CHSY1: variants seen among roughly 807,000 people sequenced by gnomAD.
CHSY1 encodes N-acetylgalactosaminyl-proteoglycan 3-beta-glucuronosyltransferase 1.
A neutral mutation model predicts 59.8 loss-of-function variants in CHSY1; 13 were observed. The observed-to-expected ratio is 0.22, with a 90% CI of 0.14 to 0.35. The LOEUF (loss-of-function observed/expected upper bound fraction) is 0.35. CHSY1 is among the 10% of genes least tolerant of loss of function. CHSY1 has a pLI of 1.00. For synonymous variants in CHSY1, 459 were observed against 401.2 expected, an observed-to-expected ratio of 1.14 and a Z score of -1.72; for missense variants, 947 against 1,030.6, an observed-to-expected ratio of 0.92 and a Z score of 1.11.
intron 2 of CHSY1, among the ~76,000 whole-genome samples, chr15:101,212,887 T>G (rs1407219550): frequency 6.6e-6 from 1 of 152,180 alleles, no homozygotes; most frequent in Admixed American, 6.5e-5. Context: ...TGGACAGATA[T>G]GTAATAAAGC....
intron 2 of CHSY1, among the ~76,000 whole-genome samples, chr15:101,207,142 G>T (rs1209729768): frequency 6.6e-6 from 1 of 152,046 alleles, no homozygotes; most frequent in Non-Finnish European, 1.5e-5. Flanking sequence ...CTCAGAAAGG[G>T]TCTACTCTTG....
rs2038919594 is a variant in CHSY1, at chr15:101,234,414, G to A, written c.816+668C>T. Among the ~76,000 whole-genome samples, 3 of 152,170 alleles carry A rather than the reference G, an allele frequency of 2.0e-5. No individual in the cohort carries two copies. The South Asian group carries it at 6.2e-4, about 31-fold the overall frequency. ...AGCCAGGCCTTTGCAAAAACAAATA[G>A]GGAGATATCCTACATTCTTGCAATT... On this transcript the variant is annotated intron_variant, in intron 2 of 2. Coordinates refer to ENST00000254190, the MANE Select transcript of CHSY1 (RefSeq NM_014918.5).
chr15:101,180,620 G>A (rs2038264318), intron 2 of CHSY1, among the ~76,000 whole-genome samples: 1 of 152,106 alleles, frequency 6.6e-6, no homozygotes, highest in Admixed American at 6.5e-5. Flanking sequence ...TCAACTACAG[G>A]AAAGCAAATC....
rs149037409 is a variant in CHSY1 at position 101,227,604 on chromosome 15, G to A, written c.816+7478C>T. On this transcript the variant is annotated intron_variant, in intron 2 of 2. Transcript: ENST00000254190. The stretch of plus-strand genomic sequence containing the variant: ...AATCTACAAGGCCACACGCATGTGT[G>A]GGAGTGTGTGCATGTTCAGCAAAGA... 1.5e-3 allele frequency among the ~76,000 whole-genome samples: 222 copies of A among 152,340 alleles called. 2 individuals carry two copies. The highest frequency in any genetic ancestry group is 5.1e-3 in the African/African-American group (213 of 41,580).
chr15:101,238,593 T>C (rs770750714), intron 1 of CHSY1, among the ~76,000 whole-genome samples: 6 of 152,208 alleles, frequency 3.9e-5, no homozygotes, highest in Non-Finnish European at 7.4e-5. Flanking sequence ...ATGACGCCGG[T>C]AACTATAAAA....
At chr15:101,221,998 C>T (rs2038793606) in intron 2 of CHSY1, among the ~76,000 whole-genome samples, 1 of 152,088 alleles carries the variant, frequency 6.6e-6, no homozygotes, top group Non-Finnish European at 1.5e-5. Context: ...TGAGTGAACG[C>T]TGAAAGATCT....
intron 2 of CHSY1, among the ~76,000 whole-genome samples, chr15:101,227,297 T>C (rs1250666390): frequency 6.6e-6 from 1 of 152,136 alleles, no homozygotes; most frequent in Non-Finnish European, 1.5e-5. Flanking sequence ...ATCTGACCTA[T>C]CTGGTGGTTC....
intron 2 of CHSY1, among the ~76,000 whole-genome samples, chr15:101,203,629 T>C (rs781494205): frequency 8.5e-5 from 13 of 152,070 alleles, no homozygotes; most frequent in African/African-American, 1.7e-4. Flanking sequence ...AAGGCAAAAG[T>C]AGTGATTTTT....
chr15:101,251,452 G>C lies in CHSY1; in HGVS notation c.5C>G (p.Ala2Gly). M[A>G]ARGRRAWLSV... is the part of the protein sequence containing the mutation. Reference sequence around the variant, plus strand: ...GAGCCAGGCGCGCCGGCCGCGCGCGGCCATGCCCGCGCCGCTCCGCCCGCC... The same window carrying C: ...GAGCCAGGCGCGCCGGCCGCGCGCGCCCATGCCCGCGCCGCTCCGCCCGCC... Residue 2 changes from alanine (A) to glycine (G), a missense_variant, in exon 1 of 3, where the codon GCC becomes GGC. By Grantham distance (60) the Ala-to-Gly change is moderately conservative (BLOSUM62 0). Around this residue, in one of 4 missense-constraint regions of CHSY1, gnomAD observed 232 missense variants for 188.5 expected, o/e 1.23. Transcript: ENST00000254190. The C allele has an allele frequency of 1.1e-6, 1 of 910,462 alleles. No homozygotes were observed. Among genetic ancestry groups the C allele is most frequent in the South Asian group, 4.0e-5 (1 of 25,236 alleles). 56.4% of individuals were successfully genotyped at this position (910,462 alleles called of 1,614,324 possible).
rs537330101 is a variant in CHSY1 at position 101,212,540 on chromosome 15, T to C, written c.816+22542A>G. ...CAAGAGTCCACACGTATGATTCCAT[T>C]TATATTAAGTTAGAGGACAGAATCA... On this transcript the variant is annotated intron_variant, in intron 2 of 2. Coordinates refer to ENST00000254190, the MANE Select transcript of CHSY1 (RefSeq NM_014918.5). Among the ~76,000 whole-genome samples, 4 of 152,270 alleles carry C rather than the reference T, an allele frequency of 2.6e-5. No individual in the cohort carries two copies. In the South Asian group the frequency reaches 8.3e-4, roughly 32 times the overall value.
intron 2 of CHSY1, among the ~76,000 whole-genome samples, chr15:101,206,164 T>G (rs1488862524): frequency 3.9e-5 from 6 of 152,162 alleles, no homozygotes; most frequent in Admixed American, 3.9e-4. Flanking sequence ...CTGCTCTCCT[T>G]TCTCTCCCCG....
chr15:101,176,312 G>A lies in CHSY1; in HGVS notation c.*1076C>T, dbSNP rs186944629. Reference sequence around the variant, plus strand: ...AAACCATCTCCACCCACATAACACAGACAGGATGAAAGGAACAAAACCAAA... The same window carrying A: ...AAACCATCTCCACCCACATAACACAAACAGGATGAAAGGAACAAAACCAAA... On this transcript the variant is annotated 3_prime_UTR_variant, in exon 3 of 3. Transcript: ENST00000254190. 160 of 398,562 alleles carry A rather than the reference G, an allele frequency of 4.0e-4. No individual in the cohort carries two copies. Among genetic ancestry groups the A allele is most frequent in the African/African-American group, 2.8e-3 (135 of 48,748 alleles). The allele number at this position is 398,562 out of a possible 1,614,324, so 24.7% of individuals were successfully genotyped here.
chr15:101,212,906 T>C (rs988697905), intron 2 of CHSY1, among the ~76,000 whole-genome samples: 3 of 152,202 alleles, frequency 2.0e-5, no homozygotes, highest in Non-Finnish European at 4.4e-5. Flanking sequence ...GCAAGTATAA[T>C]AAAGTATTAC....
intron 2 of CHSY1, among the ~76,000 whole-genome samples, chr15:101,217,178 C>T (rs1450685697): frequency 6.6e-6 from 1 of 152,092 alleles, no homozygotes; most frequent in Non-Finnish European, 1.5e-5. Flanking sequence ...AAATGGATGG[C>T]GGGTGGTAAA....
intron 1 of CHSY1, 102 bp downstream of exon 1, chr15:101,251,035 G>A (rs1052191775): frequency 7.1e-6 from 8 of 1,123,522 alleles, no homozygotes; most frequent in Admixed American, 2.1e-5. Flanking sequence ...AGCCCAAGAA[G>A]GGCCTAGGAA....
At chr15:101,189,723 T>C (rs767928018) in intron 2 of CHSY1, among the ~76,000 whole-genome samples, 6 of 152,274 alleles carry the variant, frequency 3.9e-5, no homozygotes, top group Non-Finnish European at 7.3e-5. Context: ...TAGAATCTTA[T>C]TCGACATAAA....
intron 2 of CHSY1, chr15:101,189,371 T>A (rs2038414163): frequency 1.2e-6 from 1 of 865,308 alleles, no homozygotes; most frequent in Admixed American, 6.2e-5. Context: ...TAAGCTCTAG[T>A]CTAGGGGACT....
intron 2 of CHSY1, among the ~76,000 whole-genome samples, chr15:101,204,371 G>T (rs184656055): frequency 1.4e-4 from 21 of 151,504 alleles, no homozygotes; most frequent in Admixed American, 7.2e-4. Flanking sequence ...GAGATGGAGG[G>T]TGCAGTGAGT....
chr15:101,200,853 C>A (rs2038566471), intron 2 of CHSY1, among the ~76,000 whole-genome samples: 1 of 152,114 alleles, frequency 6.6e-6, no homozygotes, highest in African/African-American at 2.4e-5. Context: ...GCTCTGCATA[C>A]CCCTTAGGTC....
Sources: allele counts gnomAD v4.1 joint callset (sites outside exome capture counted in the v4.1 genomes callset), GRCh38; gene constraint gnomAD v4.1.1; regional missense constraint gnomAD v4.1.1; transcripts MANE v1.5; gene names NCBI Gene and HGNC (gene_info 2026-07-23, HGNC 2026-07-21).